SEMA6D: variants seen among roughly 807,000 people sequenced by gnomAD.
The protein encoded by SEMA6D is semaphorin-6D.
Under a neutral mutation model 106.6 loss-of-function variants are expected in SEMA6D, and 35 were observed. The observed-to-expected ratio is 0.33, with a 90% CI of 0.25 to 0.44. The LOEUF (loss-of-function observed/expected upper bound fraction) is 0.44, where lower values mean the gene tolerates loss of function less well. Among genes scored for constraint, SEMA6D ranks in the 20% least tolerant of loss-of-function variants. The pLI, the probability that SEMA6D is intolerant of heterozygous loss-of-function variation, is 1.00. For missense variants in SEMA6D, 1,185 were observed against 1,345.9 expected, an observed-to-expected ratio of 0.88 and a Z score of 1.87; for synonymous variants, 499 against 487.7, an observed-to-expected ratio of 1.02 and a Z score of -0.31.
At chr15:47,376,675 C>G (rs2145522823) in intron 1 of SEMA6D, among the ~76,000 whole-genome samples, 1 of 152,306 alleles carries the variant, frequency 6.6e-6, no homozygotes, top group African/African-American at 2.4e-5. Context: ...CAATGGGAAG[C>G]TGGGGAGCAC....
intron 2 of SEMA6D, among the ~76,000 whole-genome samples, chr15:47,464,840 G>T (rs1439463433): frequency 2.0e-5 from 3 of 152,114 alleles, no homozygotes; most frequent in African/African-American, 4.8e-5. Flanking sequence ...CAGTCCCATG[G>T]ATTGCTCCAC....
chr15:47,607,418 T>C (rs2076804062), intron 4 of SEMA6D, among the ~76,000 whole-genome samples: 2 of 152,200 alleles, frequency 1.3e-5, no homozygotes, highest in Admixed American at 1.3e-4. Context: ...AGCAAGCTAG[T>C]GGCAGCAGCA....
intron 3 of SEMA6D, among the ~76,000 whole-genome samples, chr15:47,547,519 T>C (rs890489713): frequency 7.2e-5 from 11 of 152,218 alleles, no homozygotes; most frequent in African/African-American, 2.7e-4. Context: ...AGAGCTCCTG[T>C]TTCTATGCTA....
chr15:47,596,025 C>T (rs571708782), intron 3 of SEMA6D, among the ~76,000 whole-genome samples: 1 of 151,906 alleles, frequency 6.6e-6, no homozygotes, highest in Admixed American at 6.6e-5. Context: ...ACAACATGAT[C>T]CTATGTATAG....
At chr15:47,466,371 T>A (rs942339697) in intron 2 of SEMA6D, among the ~76,000 whole-genome samples, 5 of 152,186 alleles carry the variant, frequency 3.3e-5, no homozygotes, top group African/African-American at 1.2e-4. Flanking sequence ...TAGGTTAGGC[T>A]TCTTTAGTTT....
intron 1 of SEMA6D, among the ~76,000 whole-genome samples, chr15:47,275,711 G>C (rs2034773839): frequency 6.6e-6 from 1 of 151,974 alleles, no homozygotes; most frequent in African/African-American, 2.4e-5. Context: ...AAACAATTTT[G>C]AATTTAGGCC....
intron 1 of SEMA6D, among the ~76,000 whole-genome samples, chr15:47,343,753 A>G (rs900016970): frequency 3.9e-5 from 6 of 152,134 alleles, no homozygotes; most frequent in South Asian, 2.1e-4. Context: ...ATGATTTATA[A>G]TCCTTTGGGT....
Position 47,761,319 on chromosome 15 carries a change from ACTTT to A in SEMA6D, c.346-6_346-3del, listed in dbSNP as rs763151924. The stretch of plus-strand genomic sequence containing the variant: ...AATGTCTAATATTAATGTAACTACT[ACTTT>A]CTTTAGGATGAATGCCACAACTTTA... On this transcript the variant is annotated splice_polypyrimidine_tract_variant and splice_region_variant and intron_variant, in intron 5 of 18. Coordinates refer to ENST00000536845, the MANE Select transcript of SEMA6D (RefSeq NM_001358351.3). 6.2e-7 allele frequency: 1 copy of A among 1,611,374 alleles called. No homozygotes were observed. Among genetic ancestry groups the A allele is most frequent in the South Asian group, 1.1e-5 (1 of 90,488 alleles).
chr15:47,645,549 C>T (rs1008929145), intron 4 of SEMA6D, among the ~76,000 whole-genome samples: 1 of 151,746 alleles, frequency 6.6e-6, no homozygotes, highest in African/African-American at 2.4e-5. Flanking sequence ...CAACTCAACA[C>T]AACACTTCTG....
At chr15:47,368,901 A>C (rs1182105464) in intron 1 of SEMA6D, among the ~76,000 whole-genome samples, 2 of 152,194 alleles carry the variant, frequency 1.3e-5, no homozygotes, top group Non-Finnish European at 2.9e-5. Flanking sequence ...ATCCCTTTAG[A>C]ACCTCAAGGA....
rs552806652 is a variant in SEMA6D at position 47,351,736 on chromosome 15, G to A, written c.-238-60657G>A. ...CTAAATTTATGTTTGAGTCTTCCTG[G>A]TGTTCTAACCATGACTCAAATCAGT... On this transcript the variant is annotated intron_variant, in intron 1 of 19. Coordinates refer to the SEMA6D transcript ENST00000558014. Among the ~76,000 whole-genome samples, 246 of 152,204 alleles carry A rather than the reference G, an allele frequency of 1.6e-3. 1 individual carries two copies. The highest frequency in any genetic ancestry group is 3.1e-3 in the Non-Finnish European group (210 of 68,008).
At chr15:47,341,755 G>T (rs2037820090) in intron 1 of SEMA6D, among the ~76,000 whole-genome samples, 2 of 152,094 alleles carry the variant, frequency 1.3e-5, no homozygotes, top group African/African-American at 2.4e-5. Flanking sequence ...AAATTACTCA[G>T]AGTAAACTCT....
chr15:47,225,754 T>TCCTGA (rs1217182871), intron 1 of SEMA6D, among the ~76,000 whole-genome samples: 3 of 151,994 alleles, frequency 2.0e-5, no homozygotes, highest in African/African-American at 7.2e-5. Flanking sequence ...GGTCTCGAAC[T>TCCTGA]CCTGACCTCA....
chr15:47,417,082 T>C (rs1446165416), intron 2 of SEMA6D, among the ~76,000 whole-genome samples: 1 of 152,062 alleles, frequency 6.6e-6, no homozygotes, highest in African/African-American at 2.4e-5. Context: ...CACTAAAGGA[T>C]TCTGCTAAAT....
intron 2 of SEMA6D, among the ~76,000 whole-genome samples, chr15:47,449,610 T>C (rs1056259753): frequency 6.6e-6 from 1 of 152,082 alleles, no homozygotes; most frequent in Non-Finnish European, 1.5e-5. Context: ...AAAAAAAAAG[T>C]ATCCCGAGCT....
chr15:47,274,164 A>G (rs977780232), intron 1 of SEMA6D: 3 of 152,110 alleles, frequency 2.0e-5, no homozygotes, highest in African/African-American at 7.2e-5. Context: ...AAAGAGGAAA[A>G]ACATCCGCCT....
intron 1 of SEMA6D, among the ~76,000 whole-genome samples, chr15:47,313,108 G>C (rs2036511322): frequency 6.6e-6 from 1 of 152,124 alleles, no homozygotes; most frequent in South Asian, 2.1e-4. Context: ...TTCAGCTGAT[G>C]AATCTTCATT....
intron 2 of SEMA6D, among the ~76,000 whole-genome samples, chr15:47,443,182 A>G (rs928308034): frequency 2.0e-5 from 3 of 152,114 alleles, no homozygotes; most frequent in African/African-American, 7.2e-5. Flanking sequence ...CTTTATAGCT[A>G]CAACAATATC....
chr15:47,746,980 G>GTATATA (rs752559574), intron 1 of SEMA6D, among the ~76,000 whole-genome samples: 26,399 of 115,928 alleles, frequency 0.23, 3,144 homozygotes, highest in Non-Finnish European at 0.3. Context: ...CTGTGTGTGT[G>GTATATA]TGTGTATATA....
Sources: allele counts gnomAD v4.1 joint callset (sites outside exome capture counted in the v4.1 genomes callset), GRCh38; gene constraint gnomAD v4.1.1; transcripts MANE v1.5; gene names NCBI Gene and HGNC (gene_info 2026-07-23, HGNC 2026-07-21).